CERT1: variants seen among roughly 807,000 people sequenced by gnomAD.
The protein encoded by CERT1 is ceramide transfer protein.
Under a neutral mutation model 87.9 loss-of-function variants are expected in CERT1, and 31 were observed. The ratio of observed to expected loss-of-function variants is 0.35; its 90% CI spans 0.27 to 0.48. The LOEUF (loss-of-function observed/expected upper bound fraction) is 0.48, where lower values mean the gene tolerates loss of function less well. Among genes scored for constraint, CERT1 ranks in the 20% least tolerant of loss-of-function variants. The pLI is 0.99. For synonymous variants in CERT1, 289 were observed against 250.9 expected, an observed-to-expected ratio of 1.15 and a Z score of -1.44; for missense variants, 487 against 758.0, an observed-to-expected ratio of 0.64 and a Z score of 4.20.
chr5:75,385,479 AT>A (rs1448769675), intron 13 of CERT1, among the ~76,000 whole-genome samples: 1 of 152,236 alleles, frequency 6.6e-6, no homozygotes, highest in African/African-American at 2.4e-5. Context: ...GTCTAAAAAA[AT>A]AAAATAATTC....
chr5:75,382,725 T>C (rs937926432), intron 14 of CERT1, among the ~76,000 whole-genome samples: 2 of 151,960 alleles, frequency 1.3e-5, no homozygotes, highest in South Asian at 4.2e-4. Context: ...GTATCTGGAC[T>C]AGTCCTTGTT....
chr5:75,369,932 T>C (rs1761025619), intron 17 of CERT1: 1 of 152,218 alleles, frequency 6.6e-6, no homozygotes. Context: ...TAAATGATAG[T>C]ATGAACTCTG....
intron 12 of CERT1, among the ~76,000 whole-genome samples, chr5:75,388,279 G>A (rs1009526133): frequency 2.6e-5 from 4 of 151,890 alleles, no homozygotes; most frequent in Non-Finnish European, 5.9e-5. Context: ...CTTATTCAAG[G>A]GGAGAGGAAA....
chr5:75,415,255 G>A (rs1763091382), intron 7 of CERT1, among the ~76,000 whole-genome samples: 1 of 152,072 alleles, frequency 6.6e-6, no homozygotes, highest in Non-Finnish European at 1.5e-5. Context: ...AAATTACAGT[G>A]GAAAAGGTTA....
At chr5:75,388,505 A>T (rs1761889468) in intron 12 of CERT1, among the ~76,000 whole-genome samples, 1 of 150,592 alleles carries the variant, frequency 6.6e-6, no homozygotes, top group Admixed American at 6.6e-5. Flanking sequence ...AATTGTTTCA[A>T]ATCACAGAGA....
At chr5:75,397,619 T>C (rs541594125) in intron 11 of CERT1, among the ~76,000 whole-genome samples, 18 of 152,362 alleles carry the variant, frequency 1.2e-4, no homozygotes, top group South Asian at 8.3e-4. Flanking sequence ...TTTTGATTAG[T>C]CTGTGATATG....
chr5:75,468,981 T>C (rs1157643400), intron 2 of CERT1, among the ~76,000 whole-genome samples: 1 of 152,178 alleles, frequency 6.6e-6, no homozygotes, highest in Non-Finnish European at 1.5e-5. Context: ...GAGATGGAGA[T>C]GTCTCAAAAG....
chr5:75,456,663 C>CA lies in CERT1; in HGVS notation c.348+2401dup, dbSNP rs34320476. 6.8e-3 allele frequency among the ~76,000 whole-genome samples: 466 copies of CA among 69,036 alleles called. 4 individuals are homozygous for CA. The highest frequency in any genetic ancestry group is 0.021 in the East Asian group (52 of 2,488). The allele number at this position is 69,036 out of a possible 152,430, so 45.3% of individuals were successfully genotyped here. Reference sequence around the variant, plus strand: ...GCTGGGTGACAAAGTGACCTCATCTCAAAAAAAAAAAAAAAAAAAAAAAGA... The same window carrying CA: ...GCTGGGTGACAAAGTGACCTCATCTCAAAAAAAAAAAAAAAAAAAAAAAAGA... On this transcript the variant is annotated intron_variant, in intron 3 of 16. Transcript: ENST00000643780.
chr5:75,419,195 C>G (rs890479020), intron 6 of CERT1, 146 bp downstream of exon 6: 1 of 538,366 alleles, frequency 1.9e-6, no homozygotes, highest in Non-Finnish European at 3.3e-6. Context: ...TGATTTTTAC[C>G]TGCATGCCTT....
intron 2 of CERT1, among the ~76,000 whole-genome samples, chr5:75,462,276 C>T (rs1023486746): frequency 2.0e-5 from 3 of 152,172 alleles, no homozygotes; most frequent in African/African-American, 4.8e-5. Flanking sequence ...GACCAGGGAT[C>T]GGTTTCATGG....
Position 75,511,429 on chromosome 5 carries a change from C to T in CERT1, c.-222G>A. On this transcript the variant is annotated 5_prime_UTR_variant, in exon 1 of 17. Coordinates refer to ENST00000643780, the MANE Select transcript of CERT1 (RefSeq NM_001379029.1). ...AGGACGAGCGGTGAAGGAAGCCTAC[C>T]CTTCCAGCCGTCAGCCGCCGCCGCC... The T allele has an allele frequency of 6.5e-7, 1 of 1,541,400 alleles. No homozygotes were observed. Among genetic ancestry groups the T allele is most frequent in the Non-Finnish European group, 8.7e-7 (1 of 1,143,264 alleles).
intron 9 of CERT1, chr5:75,401,586 A>G (rs1033322417): frequency 6.6e-6 from 1 of 152,236 alleles, no homozygotes; most frequent in African/African-American, 2.4e-5. Context: ...TTCCAAAAGT[A>G]GAGCCCATTT....
At chr5:75,450,102 A>G (rs1294699920) in intron 3 of CERT1, among the ~76,000 whole-genome samples, 1 of 152,114 alleles carries the variant, frequency 6.6e-6, no homozygotes, top group Non-Finnish European at 1.5e-5. Flanking sequence ...AAAATCACTG[A>G]CCTTTCTTCT....
intron 3 of CERT1, among the ~76,000 whole-genome samples, 168 bp from the exon 4 acceptor site, chr5:75,426,646 C>A (rs181195322): frequency 2.1e-3 from 317 of 152,218 alleles, no homozygotes; most frequent in African/African-American, 6.9e-3. Context: ...TTCCTAAATG[C>A]CATTTAATTT....
At chr5:75,423,228 C>T (rs186405615) in intron 5 of CERT1, among the ~76,000 whole-genome samples, 16 of 152,306 alleles carry the variant, frequency 1.1e-4, no homozygotes, top group African/African-American at 3.1e-4. Context: ...TAATACTATA[C>T]GCTATTGGTA....
chr5:75,389,497 G>A, intron 12 of CERT1, 95 bp downstream of exon 12: 2 of 882,676 alleles, frequency 2.3e-6, no homozygotes, highest in Non-Finnish European at 3.7e-6. Flanking sequence ...TTAAAGGTAA[G>A]TTGAAAGTGC....
chr5:75,386,704 G>C (rs927069496), intron 12 of CERT1, among the ~76,000 whole-genome samples: 1 of 152,082 alleles, frequency 6.6e-6, no homozygotes, highest in Non-Finnish European at 1.5e-5. Context: ...ACACTGTTAG[G>C]CATTTCACAT....
intron 2 of CERT1, among the ~76,000 whole-genome samples, chr5:75,473,147 C>T (rs1765792046): frequency 6.6e-6 from 1 of 152,126 alleles, no homozygotes; most frequent in Non-Finnish European, 1.5e-5. Context: ...GTGGCATGAT[C>T]ATAGCTCACT....
At chr5:75,432,949 T>C (rs1052389873) in intron 3 of CERT1, among the ~76,000 whole-genome samples, 6 of 152,262 alleles carry the variant, frequency 3.9e-5, no homozygotes, top group African/African-American at 1.4e-4. Flanking sequence ...ATGTATTAAA[T>C]AGGGAGCCTT....
Sources: gnomAD v4.1 joint callset for allele counts (sites outside exome capture counted in the v4.1 genomes callset) on GRCh38, gnomAD v4.1.1 for gene constraint, MANE v1.5 for transcripts, NCBI Gene and HGNC (gene_info 2026-07-23, HGNC 2026-07-21) for gene names.